Variants in TJP1 observed in about 807,000 individuals in gnomAD.
The protein encoded by TJP1 is tight junction protein ZO-1.
In TJP1, 43 loss-of-function variants were observed where a neutral mutation model predicts 194.2. The observed-to-expected ratio is 0.22, with a 90% CI of 0.17 to 0.29. TJP1 has a LOEUF of 0.29. TJP1 is among the 10% of genes least tolerant of loss of function. The pLI, the probability that TJP1 is intolerant of heterozygous loss-of-function variation, is 1.00. For missense variants in TJP1, 1,971 were observed against 2,185.7 expected (o/e 0.90, Z 1.96); for synonymous variants, 801 against 779.0 (o/e 1.03, Z -0.47).
At chr15:29,967,535 C>A (rs2056375114) in intron 1 of TJP1, among the ~76,000 whole-genome samples, 1 of 152,160 alleles carries the variant, frequency 6.6e-6, no homozygotes, top group South Asian at 2.1e-4. Context: ...GAGGAAGAAA[C>A]AGACACTCCA....
chr15:29,946,921 G>A (rs961819671), intron 2 of TJP1, among the ~76,000 whole-genome samples: 3 of 152,118 alleles, frequency 2.0e-5, no homozygotes, highest in Non-Finnish European at 2.9e-5. Context: ...GGGATAATTC[G>A]GGGAGCAATT....
chr15:29,768,537 T>C (rs760111980), intron 4 of TJP1, among the ~76,000 whole-genome samples: 5 of 152,186 alleles, frequency 3.3e-5, no homozygotes, highest in Admixed American at 6.5e-5. Flanking sequence ...CGCCACCTCT[T>C]TGGGATCCTA....
At chr15:29,906,100 G>A (rs1339793406) in intron 2 of TJP1, among the ~76,000 whole-genome samples, 1 of 152,162 alleles carries the variant, frequency 6.6e-6, no homozygotes, top group Non-Finnish European at 1.5e-5. Context: ...GGGAGGCTAT[G>A]CCTACGTGGG....
chr15:29,960,855 C>G (rs1169476452), intron 1 of TJP1, among the ~76,000 whole-genome samples: 1 of 151,954 alleles, frequency 6.6e-6, no homozygotes, highest in African/African-American at 2.4e-5. Flanking sequence ...TCAATAATGA[C>G]CCCCCTTTGT....
chr15:29,842,349 C>T (rs1307645766), intron 2 of TJP1, among the ~76,000 whole-genome samples: 1 of 152,318 alleles, frequency 6.6e-6, no homozygotes, highest in Non-Finnish European at 1.5e-5. Flanking sequence ...GCTATTTACT[C>T]AATTCTTCCA....
chr15:29,965,324 C>T (rs2056296992), intron 1 of TJP1, among the ~76,000 whole-genome samples: 1 of 152,088 alleles, frequency 6.6e-6, no homozygotes, highest in Non-Finnish European at 1.5e-5. Context: ...ATTCTCCTGC[C>T]TCAGCCTCTT....
chr15:29,714,186 A>G (rs1181802947), intron 23 of TJP1, among the ~76,000 whole-genome samples: 2 of 152,188 alleles, frequency 1.3e-5, no homozygotes, highest in Admixed American at 1.3e-4. Flanking sequence ...ACAGAAAGCA[A>G]ACATGCATTT....
chr15:29,873,148 C>T (rs150355687), intron 2 of TJP1, among the ~76,000 whole-genome samples: 1 of 152,188 alleles, frequency 6.6e-6, no homozygotes, highest in South Asian at 2.1e-4. Flanking sequence ...CAAAGGCCTG[C>T]TGTGGGTGAA....
intron 2 of TJP1, among the ~76,000 whole-genome samples, chr15:29,949,765 TACCTCCACC>T (rs2055567756): frequency 3.3e-4 from 4 of 12,124 alleles, no homozygotes; most frequent in Non-Finnish European, 4.7e-4. Context: ...TCACCACCAC[TACCTCCACC>T]ACCTCCACCA....
At chr15:29,827,648 A>T (rs1486849955) in intron 2 of TJP1, among the ~76,000 whole-genome samples, 1 of 152,264 alleles carries the variant, frequency 6.6e-6, no homozygotes, top group Non-Finnish European at 1.5e-5. Flanking sequence ...TATAAACAGT[A>T]AAATTCATGC....
chr15:29,859,618 G>T (rs2051997511), intron 2 of TJP1, among the ~76,000 whole-genome samples: 1 of 152,146 alleles, frequency 6.6e-6, no homozygotes, highest in African/African-American at 2.4e-5. Context: ...AGCCATCGTG[G>T]TTCTCTGGAG....
chr15:29,949,610 TTCACCA>T (rs1179990043), intron 2 of TJP1, among the ~76,000 whole-genome samples: 6 of 22,944 alleles, frequency 2.6e-4, no homozygotes, highest in East Asian at 2.0e-3. Flanking sequence ...CACCTCCACC[TTCACCA>T]CCACCACCTC....
intron 2 of TJP1, among the ~76,000 whole-genome samples, chr15:29,925,045 T>A (rs1274470448): frequency 7.2e-5 from 11 of 152,160 alleles, no homozygotes; most frequent in Admixed American, 7.2e-4. Context: ...CCCTGTAGCA[T>A]CTTCTTGTTG....
intron 2 of TJP1, among the ~76,000 whole-genome samples, chr15:29,775,068 C>T (rs766277096): frequency 1.3e-5 from 2 of 152,184 alleles, no homozygotes; most frequent in Non-Finnish European, 2.9e-5. Context: ...CATCCTGCTA[C>T]GTCCCATCTA....
intron 2 of TJP1, among the ~76,000 whole-genome samples, chr15:29,924,911 TA>T (rs1309322587): frequency 6.6e-6 from 1 of 152,202 alleles, no homozygotes; most frequent in Non-Finnish European, 1.5e-5. Context: ...TCCCAGTGCT[TA>T]AATTCCAAGG....
Position 29,766,246 on chromosome 15 carries a change from C to G in TJP1, c.589+20G>C. 1 of 1,594,490 alleles carries G rather than the reference C, an allele frequency of 6.3e-7. No individual in the cohort carries two copies. The highest frequency in any genetic ancestry group is 1.1e-5 in the South Asian group (1 of 87,830). The stretch of plus-strand genomic sequence containing the variant: ...TTAAATTTTCATGTGAAAAAAACAG[C>G]AAGAGTTGGCAGAGAATACCTTCAT... On this transcript the variant is annotated intron_variant, in intron 5 of 27. Transcript: ENST00000614355.
intron 2 of TJP1, among the ~76,000 whole-genome samples, chr15:29,841,850 C>G (rs1023764739): frequency 1.1e-4 from 16 of 152,058 alleles, no homozygotes; most frequent in Admixed American, 9.2e-4. Flanking sequence ...AGTTTGTGGT[C>G]TCTGTCTTCC....
chr15:29,719,721 T>A, intron 20 of TJP1, 56 bp downstream of exon 20: 1 of 1,572,486 alleles, frequency 6.4e-7, no homozygotes, highest in Non-Finnish European at 8.6e-7. Flanking sequence ...GCAAAAATGA[T>A]CATGTGCCAG....
intron 2 of TJP1, among the ~76,000 whole-genome samples, chr15:29,787,718 T>C (rs1385597025): frequency 6.6e-6 from 1 of 152,256 alleles, no homozygotes; most frequent in Non-Finnish European, 1.5e-5. Context: ...CCATTCTATG[T>C]ATATATCATG....
Sources: gnomAD v4.1 joint callset for allele counts (sites outside exome capture counted in the v4.1 genomes callset) on GRCh38, gnomAD v4.1.1 for gene constraint, MANE v1.5 for transcripts, NCBI Gene and HGNC (gene_info 2026-07-23, HGNC 2026-07-21) for gene names.